Variants in TDO2 observed in about 807,000 individuals in gnomAD.
The protein encoded by TDO2 is tryptophan 2,3-dioxygenase.
Under a neutral mutation model 61.2 loss-of-function variants are expected in TDO2, and 63 were observed. That is an observed-to-expected ratio of 1.03 (90% CI 0.84 to 1.27). The LOEUF (loss-of-function observed/expected upper bound fraction) is 1.27. TDO2 is among the 50% of genes most tolerant of loss of function. The pLI is 0.00. For synonymous variants in TDO2, 183 were observed against 164.0 expected (o/e 1.12, Z -0.89); for missense variants, 494 against 469.5 (o/e 1.05, Z -0.48).
At chr4:155,913,366 C>T (rs1579329508) in intron 7 of TDO2, among the ~76,000 whole-genome samples, 2 of 152,160 alleles carry the variant, frequency 1.3e-5, no homozygotes, top group Admixed American at 1.3e-4. Context: ...GATTTATCAC[C>T]AAGGAGTCCT....
chr4:155,918,985 A>C (rs780789972), intron 11 of TDO2: 4 of 152,194 alleles, frequency 2.6e-5, no homozygotes, highest in South Asian at 2.1e-4. Context: ...CACAGGTTTA[A>C]ATTTTCATCA....
intron 4 of TDO2, among the ~76,000 whole-genome samples, chr4:155,908,485 A>G (rs1234374022): frequency 6.6e-6 from 1 of 152,204 alleles, no homozygotes; most frequent in Non-Finnish European, 1.5e-5. Flanking sequence ...TCCACTTCCC[A>G]TTTGTGTCAG....
intron 2 of TDO2, 30 bp downstream of exon 2, chr4:155,904,153 T>C (rs780781351): frequency 1.1e-5 from 17 of 1,535,756 alleles, no homozygotes; most frequent in Non-Finnish European, 1.5e-5. Flanking sequence ...CAGGGTTTGG[T>C]GTCCATTGTT....
chr4:155,909,892 TCCCCTCC>T (rs1742788505), intron 5 of TDO2, 126 bp from the exon 6 acceptor site: 1 of 4,268 alleles, frequency 2.3e-4, no homozygotes, highest in African/African-American at 9.3e-4. Context: ...TCCCCTCCCC[TCCCCTCC>T]CCTCTCCCCT....
At position 155,919,156 on chromosome 4, in the gene TDO2, C is replaced by T. The variant is rs140355233; in HGVS notation, c.1068-681C>T. On this transcript the variant is annotated intron_variant, in intron 11 of 11. Transcript: ENST00000536354. ...TATCTCAGTTTTAAAAAGACCTGAC[C>T]AAAAGGAAGGACTAAAGTTTTCATT... Among the ~76,000 whole-genome samples, 25 of 152,166 alleles carry T rather than the reference C, an allele frequency of 1.6e-4. No individual in the cohort carries two copies. The East Asian group carries it at 4.8e-3, about 29-fold the overall frequency.
intron 3 of TDO2, chr4:155,907,448 C>A: frequency 2.9e-6 from 1 of 342,694 alleles, no homozygotes; most frequent in Non-Finnish European, 5.2e-6. Context: ...CCTCAAAGAC[C>A]TAAAAATGCA....
Position 155,912,042 on chromosome 4 carries a change from GC to G in TDO2, c.726+441del, listed in dbSNP as rs543755859. ...TAAAAGATACTGTTGATTGCTCATT[GC>G]CCTTATCTTTCAGGTCTCTCATCCT... On this transcript the variant is annotated intron_variant, in intron 7 of 11. Coordinates refer to ENST00000536354, the MANE Select transcript of TDO2 (RefSeq NM_005651.4). Among the ~76,000 whole-genome samples, 84 of 152,190 alleles carry G rather than the reference GC, an allele frequency of 5.5e-4. 2 individuals are homozygous for G. In the East Asian group the frequency reaches 0.016, roughly 29 times the overall value.
rs147390765 is a variant in TDO2 at position 155,919,906 on chromosome 4, G to T, written c.1137G>T (p.Pro379=). 4.6e-4 allele frequency: 738 copies of T among 1,613,514 alleles called. 3 individuals are homozygous for T. The East Asian group carries it at 0.015, about 32-fold the overall frequency. ...STYLIPRHWI[P]KMNPTIHKFL... The stretch of plus-strand genomic sequence containing the variant: ...ACCTGATTCCCCGACACTGGATACC[G>T]AAGATGAACCCAACCATTCACAAAT... Residue 379 remains proline (P), a synonymous_variant, in exon 12 of 12, where the codon CCG becomes CCT. Transcript: ENST00000536354.
chr4:155,915,374 T>C (rs1286243648), intron 8 of TDO2, among the ~76,000 whole-genome samples: 2 of 152,206 alleles, frequency 1.3e-5, no homozygotes, highest in Non-Finnish European at 2.9e-5. Context: ...AAATCTTGTT[T>C]CGCTGCAGCA....
At chr4:155,915,815 A>G in intron 8 of TDO2, 40 bp from the exon 9 acceptor site, 1 of 1,569,320 alleles carries the variant, frequency 6.4e-7, no homozygotes, top group Non-Finnish European at 8.7e-7. Flanking sequence ...AAATTACCTT[A>G]AATGACCTAA....
intron 3 of TDO2, chr4:155,905,706 T>G: frequency 6.6e-6 from 1 of 152,444 alleles, no homozygotes; most frequent in Non-Finnish European, 1.5e-5. Context: ...GAATATTATC[T>G]TAAAGAGGTC....
chr4:155,915,871 A>T lies in TDO2; in HGVS notation c.855A>T (p.Ser285=). 2 of 1,611,274 alleles carry T rather than the reference A, an allele frequency of 1.2e-6. No individual in the cohort carries two copies. Among genetic ancestry groups the T allele is most frequent in the Non-Finnish European group, 1.7e-6 (2 of 1,179,216 alleles). The change falls in exon 9 of 12, where the codon TCA becomes TCT. Residue 285 remains serine (S), a synonymous_variant. Coordinates refer to ENST00000536354, the MANE Select transcript of TDO2 (RefSeq NM_005651.4). The part of the protein sequence containing the change: ...HLLSKGERRL[S]YRALQGALMI... ...ATTTTGCAGGTGAAAGACGGCTGTC[A>T]TACAGAGCACTTCAGGGAGCATTGA...
At position 155,905,132 on chromosome 4, in the gene TDO2, A is replaced by G. The variant is rs1432364674; in HGVS notation, c.207A>G (p.Glu69=). 7.5e-6 allele frequency: 12 copies of G among 1,598,840 alleles called. No homozygotes were observed. The highest frequency in any genetic ancestry group is 1.0e-5 in the Non-Finnish European group (12 of 1,173,110). Residue 69 remains glutamate (E), a synonymous_variant, in exon 3 of 12, where the codon GAA becomes GAG. Coordinates refer to ENST00000536354, the MANE Select transcript of TDO2 (RefSeq NM_005651.4). ...SETKGNKIHD[E]HLFIITHQAY... ...CAAAAGGAAATAAAATCCATGATGAACATCTTTTTATCATAACTCATCAAG... is the reference window on the plus strand; with the variant it reads ...CAAAAGGAAATAAAATCCATGATGAGCATCTTTTTATCATAACTCATCAAG...
intron 11 of TDO2, 41 bp from the exon 12 acceptor site, chr4:155,919,796 A>T: frequency 2.0e-6 from 3 of 1,535,100 alleles, no homozygotes; most frequent in Non-Finnish European, 2.6e-6. Flanking sequence ...TAAATATTTC[A>T]TGTCAACCAA....
At chr4:155,914,466 T>G (rs1742894801) in intron 8 of TDO2, 32 bp downstream of exon 8, 1 of 1,448,976 alleles carries the variant, frequency 6.9e-7, no homozygotes, top group Admixed American at 2.3e-5. Flanking sequence ...ATCTTTTCCC[T>G]GGAATGTGTG....
At chr4:155,916,067 C>T (rs956588657) in intron 9 of TDO2, among the ~76,000 whole-genome samples, 155 bp downstream of exon 9, 3 of 151,620 alleles carry the variant, frequency 2.0e-5, no homozygotes, top group Non-Finnish European at 4.4e-5. Context: ...AGTTTTATGC[C>T]CCCGTCCCTT....
intron 7 of TDO2, among the ~76,000 whole-genome samples, chr4:155,912,875 T>C (rs112321845): frequency 1.3e-3 from 201 of 152,264 alleles, no homozygotes; most frequent in African/African-American, 4.6e-3. Flanking sequence ...CCATCCACTC[T>C]TGTACCAACA....
rs1178706600 is a variant in TDO2, at chr4:155,907,777, C to T, written c.288C>T (p.Ile96=). ...ILWELDSVRE[I]FQNGHVRDER... Reference sequence around the variant, plus strand: ...GGGAGTTGGATTCTGTTCGAGAGATCTTTCAGAATGGCCATGTAAGTTCTT... The same window carrying T: ...GGGAGTTGGATTCTGTTCGAGAGATTTTTCAGAATGGCCATGTAAGTTCTT... The change falls in exon 4 of 12, where the codon ATC becomes ATT. Residue 96 remains isoleucine, a synonymous_variant. Coordinates refer to ENST00000536354, the MANE Select transcript of TDO2 (RefSeq NM_005651.4). 6.8e-6 allele frequency: 11 copies of T among 1,612,952 alleles called. No individual in the cohort carries two copies. The highest frequency in any genetic ancestry group is 1.6e-4 in the Middle Eastern group (1 of 6,076).
chr4:155,909,123 C>T (rs1742772267), intron 5 of TDO2, 109 bp downstream of exon 5: 2 of 1,142,396 alleles, frequency 1.8e-6, no homozygotes, highest in Admixed American at 6.6e-5. Context: ...GTCTTACTAA[C>T]ATTTTGTCAC....
Sources: gnomAD v4.1 joint callset for allele counts (sites outside exome capture counted in the v4.1 genomes callset) on GRCh38, gnomAD v4.1.1 for gene constraint, MANE v1.5 for transcripts, NCBI Gene and HGNC (gene_info 2026-07-23, HGNC 2026-07-21) for gene names.